The following FANCL variants were observed in gnomAD, a reference collection of about 807,000 sequenced individuals.
The protein encoded by FANCL is FA complementation group L.
A neutral mutation model predicts 59.4 loss-of-function variants in FANCL; 69 were observed. The observed-to-expected ratio is 1.16, with a 90% CI of 0.96 to 1.42. The LOEUF is 1.42. FANCL is among the 40% of genes most tolerant of loss of function. FANCL has a pLI of 0.00. For missense variants in FANCL, 519 were observed against 447.2 expected (o/e 1.16, Z -1.45); for synonymous variants, 180 against 147.1 (o/e 1.22, Z -1.62).
intron 7 of FANCL, among the ~76,000 whole-genome samples, chr2:58,179,974 C>T (rs576940749): frequency 6.6e-6 from 1 of 152,232 alleles, no homozygotes; most frequent in African/African-American, 2.4e-5. Context: ...TGAAAAAAAG[C>T]TCATCATCAC....
chr2:58,168,829 C>T (rs901522259), intron 7 of FANCL, among the ~76,000 whole-genome samples: 3 of 152,080 alleles, frequency 2.0e-5, no homozygotes, highest in South Asian at 2.1e-4. Flanking sequence ...TACAATGCCA[C>T]GAGGAAGCTG....
chr2:58,164,602 C>T (rs1685690565), intron 8 of FANCL, among the ~76,000 whole-genome samples: 1 of 151,652 alleles, frequency 6.6e-6, no homozygotes, highest in Admixed American at 6.6e-5. Flanking sequence ...AAAAAAGAAG[C>T]TAAAAGGTAA....
intron 3 of FANCL, among the ~76,000 whole-genome samples, chr2:58,229,202 T>C (rs933997485): frequency 1.3e-5 from 2 of 152,062 alleles, no homozygotes; most frequent in African/African-American, 2.4e-5. Flanking sequence ...GCATAAAGCA[T>C]AAAAAGAAAG....
chr2:58,166,242 TATA>T (rs1045135306), intron 7 of FANCL, among the ~76,000 whole-genome samples: 22 of 152,322 alleles, frequency 1.4e-4, no homozygotes, highest in African/African-American at 3.8e-4. Context: ...ACAAAATGTC[TATA>T]ATATTTTAGT....
chr2:58,221,717 A>C (rs1692498749), intron 5 of FANCL, among the ~76,000 whole-genome samples: 1 of 152,210 alleles, frequency 6.6e-6, no homozygotes. Context: ...TACTGTGTAC[A>C]TAAAAATGTC....
chr2:58,200,648 C>A (rs1689913100), intron 6 of FANCL, among the ~76,000 whole-genome samples: 1 of 151,754 alleles, frequency 6.6e-6, no homozygotes, highest in Non-Finnish European at 1.5e-5. Flanking sequence ...ACATACACAG[C>A]TCATTATGCT....
At chr2:58,235,427 A>G (rs532569550) in intron 1 of FANCL, among the ~76,000 whole-genome samples, 1 of 152,226 alleles carries the variant, frequency 6.6e-6, no homozygotes, top group East Asian at 1.9e-4. Context: ...ACTTGTAGAG[A>G]CTAACTACCT....
chr2:58,223,093 C>T (rs1285457693), intron 4 of FANCL, among the ~76,000 whole-genome samples: 3 of 149,836 alleles, frequency 2.0e-5, no homozygotes, highest in African/African-American at 7.4e-5. Flanking sequence ...AAAACCAAAA[C>T]TATTAACGGG....
rs869094167 is a variant in FANCL, at chr2:58,219,171, AATATATATATATATATAT to A, written c.374+2753_374+2770del. 7.0e-3 allele frequency among the ~76,000 whole-genome samples: 134 copies of A among 19,252 alleles called. 4 individuals are homozygous for A. The highest frequency in any genetic ancestry group is 0.033 in the African/African-American group (126 of 3,788). 12.6% of individuals were successfully genotyped at this position (19,252 alleles called of 152,430 possible). On this transcript the variant is annotated intron_variant, in intron 5 of 13. Coordinates refer to ENST00000233741, the MANE Select transcript of FANCL (RefSeq NM_018062.4). The stretch of plus-strand genomic sequence containing the variant: ...AAAAAAAAAAAAAAAAAAAAAAAAA[AATATATATATATATATAT>A]ATATATATATATATATCCACAATGA...
chr2:58,177,930 T>C (rs1023211809), intron 7 of FANCL, among the ~76,000 whole-genome samples: 3 of 151,508 alleles, frequency 2.0e-5, no homozygotes, highest in African/African-American at 7.3e-5. Context: ...CCTACAGAAA[T>C]ACAAACTACT....
intron 12 of FANCL, 135 bp downstream of exon 12, chr2:58,161,387 C>G (rs1044012173): frequency 4.2e-6 from 3 of 708,132 alleles, no homozygotes; most frequent in Non-Finnish European, 7.8e-6. Flanking sequence ...CTGGAATAAA[C>G]TGGTAAAAGG....
intron 7 of FANCL, among the ~76,000 whole-genome samples, chr2:58,196,779 C>T (rs1211455146): frequency 6.6e-6 from 1 of 151,672 alleles, no homozygotes; most frequent in African/African-American, 2.4e-5. Context: ...CACAAAGAAA[C>T]TCATAAACAG....
chr2:58,217,831 A>G (rs1054646121), intron 5 of FANCL, among the ~76,000 whole-genome samples: 6 of 152,096 alleles, frequency 3.9e-5, no homozygotes, highest in Admixed American at 1.3e-4. Flanking sequence ...TGGATATCTG[A>G]CACACATAAT....
intron 7 of FANCL, among the ~76,000 whole-genome samples, chr2:58,192,671 G>A (rs1428794897): frequency 6.6e-6 from 1 of 151,772 alleles, no homozygotes; most frequent in Admixed American, 6.6e-5. Context: ...AGGGTAGGTG[G>A]AGAAAACAAC....
chr2:58,165,382 C>A (rs1685795727), intron 8 of FANCL, among the ~76,000 whole-genome samples: 1 of 152,154 alleles, frequency 6.6e-6, no homozygotes, highest in East Asian at 1.9e-4. Context: ...GTAAGCTTCA[C>A]AAATGAAGAC....
chr2:58,219,379 A>T (rs1692248812), intron 5 of FANCL, among the ~76,000 whole-genome samples: 1 of 151,382 alleles, frequency 6.6e-6, no homozygotes, highest in African/African-American at 2.4e-5. Context: ...AAAAACAAAT[A>T]AATGAGAGGG....
intron 3 of FANCL, among the ~76,000 whole-genome samples, chr2:58,227,592 C>T (rs544990076): frequency 6.6e-6 from 1 of 152,292 alleles, no homozygotes; most frequent in East Asian, 1.9e-4. Context: ...TTGACATGCT[C>T]TCGATGTCCT....
chr2:58,175,343 T>G (rs1687178872), intron 7 of FANCL, among the ~76,000 whole-genome samples: 1 of 148,538 alleles, frequency 6.7e-6, no homozygotes, highest in Non-Finnish European at 1.5e-5. Flanking sequence ...AAAGAGAATT[T>G]TACACCAATA....
intron 7 of FANCL, among the ~76,000 whole-genome samples, chr2:58,194,580 T>C (rs1026910999): frequency 1.3e-5 from 2 of 152,120 alleles, no homozygotes; most frequent in Non-Finnish European, 2.9e-5. Flanking sequence ...TTGGCACATA[T>C]CATGGCAGCA....
Sources: gnomAD v4.1 joint callset for allele counts (sites outside exome capture counted in the v4.1 genomes callset) on GRCh38, gnomAD v4.1.1 for gene constraint, MANE v1.5 for transcripts, NCBI Gene and HGNC (gene_info 2026-07-23, HGNC 2026-07-21) for gene names.